Variants in LHFPL3 observed in about 807,000 individuals in gnomAD.
The protein encoded by LHFPL3 is LHFPL tetraspan subfamily member 3 protein.
Under a neutral mutation model 19.3 loss-of-function variants are expected in LHFPL3, and 5 were observed. The observed-to-expected ratio is 0.26, with a 90% confidence interval of 0.14 to 0.54. The LOEUF is 0.54. Ranked by LOEUF, LHFPL3 falls within the 20% of genes least tolerant of loss-of-function variation. LHFPL3 has a pLI of 0.94. For synonymous variants in LHFPL3, 133 were observed against 126.2 expected, an observed-to-expected ratio of 1.05 and a Z score of -0.36; for missense variants, 249 against 307.4, an observed-to-expected ratio of 0.81 and a Z score of 1.42.
intron 1 of LHFPL3, among the ~76,000 whole-genome samples, chr7:104,444,089 T>C (rs1214396169): frequency 6.6e-6 from 1 of 152,230 alleles, no homozygotes; most frequent in South Asian, 2.1e-4. Context: ...TTAAATACTT[T>C]CCCTAAAATT....
intron 1 of LHFPL3, among the ~76,000 whole-genome samples, chr7:104,676,112 G>C (rs1475509369): frequency 6.6e-6 from 1 of 152,206 alleles, no homozygotes; most frequent in African/African-American, 2.4e-5. Context: ...GAGAAGTATA[G>C]AAGAGTAATT....
At chr7:104,532,125 A>G (rs1055915459) in intron 1 of LHFPL3, among the ~76,000 whole-genome samples, 4 of 151,470 alleles carry the variant, frequency 2.6e-5, no homozygotes, top group African/African-American at 9.7e-5. Flanking sequence ...TTTATTTTTT[A>G]TTTTTATTTT....
chr7:104,864,971 G>A (rs552522446), intron 2 of LHFPL3, among the ~76,000 whole-genome samples: 28 of 152,178 alleles, frequency 1.8e-4, no homozygotes, highest in Non-Finnish European at 3.7e-4. Flanking sequence ...ACAGGGTCTG[G>A]AATGGACCTC....
chr7:104,490,115 C>A (rs780605437), intron 1 of LHFPL3, among the ~76,000 whole-genome samples: 1 of 152,124 alleles, frequency 6.6e-6, no homozygotes, highest in African/African-American at 2.4e-5. Context: ...TAATTGAAAG[C>A]AATTTTAAAT....
At chr7:104,435,709 T>C (rs2116568943) in intron 1 of LHFPL3, among the ~76,000 whole-genome samples, 1 of 152,204 alleles carries the variant, frequency 6.6e-6, no homozygotes, top group Non-Finnish European at 1.5e-5. Flanking sequence ...TCTTCTCTTT[T>C]TTAAGTTCAC....
At chr7:104,678,811 C>T (rs1238322165) in intron 1 of LHFPL3, among the ~76,000 whole-genome samples, 1 of 152,108 alleles carries the variant, frequency 6.6e-6, no homozygotes, top group African/African-American at 2.4e-5. Context: ...TTAGTGTGGC[C>T]ATAGGTTTTA....
intron 2 of LHFPL3, among the ~76,000 whole-genome samples, chr7:104,830,977 C>T (rs573971477): frequency 6.6e-6 from 1 of 151,706 alleles, no homozygotes; most frequent in Non-Finnish European, 1.5e-5. Context: ...TTAATAACAC[C>T]CCCTTTCACT....
rs139354214 is a variant in LHFPL3 at position 104,596,609 on chromosome 7, G to T, written c.446-140066G>T. On this transcript the variant is annotated intron_variant, in intron 1 of 2. Transcript: ENST00000424859. ...CTGTGTGTTTCAAGATGTGTTAAAA[G>T]CACATGAATAACAAAACATAGCTAG... Among the ~76,000 whole-genome samples the T allele has an allele frequency of 1.3e-4, 20 of 152,266 alleles. No individual in the cohort carries two copies. In the East Asian group the frequency reaches 3.9e-3, roughly 29 times the overall value.
intron 1 of LHFPL3, among the ~76,000 whole-genome samples, chr7:104,568,925 A>G (rs955253051): frequency 6.6e-6 from 1 of 152,234 alleles, no homozygotes; most frequent in Non-Finnish European, 1.5e-5. Flanking sequence ...TAAATATTAA[A>G]GCATGTATTT....
chr7:104,398,848 C>G (rs78260528), intron 1 of LHFPL3, among the ~76,000 whole-genome samples: 2 of 108,652 alleles, frequency 1.8e-5, no homozygotes, highest in Admixed American at 2.3e-4. Context: ...ATGCCCGCCC[C>G]CCGGCCCTGA....
At position 104,721,358 on chromosome 7, in the gene LHFPL3, G is replaced by A. The variant is rs1793488157; in HGVS notation, c.446-15317G>A. Among the ~76,000 whole-genome samples, 10 of 152,212 alleles carry A rather than the reference G, an allele frequency of 6.6e-5. No homozygotes were observed. The South Asian group carries it at 2.1e-3, about 32-fold the overall frequency. ...AACAATGAGATCACTTGGACACAGG[G>A]CAGGGAATATCACACACTGGGGCCT... On this transcript the variant is annotated intron_variant, in intron 1 of 2. Transcript: ENST00000424859.
chr7:104,707,927 A>C (rs1250023384), intron 1 of LHFPL3, among the ~76,000 whole-genome samples: 1 of 152,200 alleles, frequency 6.6e-6, no homozygotes, highest in Non-Finnish European at 1.5e-5. Context: ...AAAACCATTA[A>C]ATGATGCTCA....
At chr7:104,361,229 T>C (rs1393950586) in intron 1 of LHFPL3, among the ~76,000 whole-genome samples, 1 of 152,234 alleles carries the variant, frequency 6.6e-6, no homozygotes, top group Non-Finnish European at 1.5e-5. Context: ...TGAGCCTTGG[T>C]AGCATCATCC....
At chr7:104,559,408 T>C (rs886455478) in intron 1 of LHFPL3, among the ~76,000 whole-genome samples, 2 of 150,076 alleles carry the variant, frequency 1.3e-5, no homozygotes, top group African/African-American at 5.0e-5. Context: ...CCCTTGTAAG[T>C]TGGATTCCTA....
chr7:104,483,383 G>A (rs1198942756), intron 1 of LHFPL3, among the ~76,000 whole-genome samples: 1 of 152,138 alleles, frequency 6.6e-6, no homozygotes, highest in East Asian at 1.9e-4. Context: ...TAAATTTTAT[G>A]TTCAGTTGTA....
intron 1 of LHFPL3, among the ~76,000 whole-genome samples, chr7:104,435,680 G>T (rs1792090618): frequency 1.3e-5 from 2 of 151,368 alleles, no homozygotes; most frequent in African/African-American, 4.9e-5. Context: ...ATGGCCCCTT[G>T]CTTGGGTTGT....
chr7:104,521,795 A>G (rs961208676), intron 1 of LHFPL3, among the ~76,000 whole-genome samples: 37 of 152,354 alleles, frequency 2.4e-4, no homozygotes, highest in African/African-American at 8.7e-4. Flanking sequence ...AATGCTCACC[A>G]TCACTGGCCA....
chr7:104,545,623 C>T (rs59000988), intron 1 of LHFPL3, among the ~76,000 whole-genome samples: 101 of 152,272 alleles, frequency 6.6e-4, no homozygotes, highest in African/African-American at 2.2e-3. Flanking sequence ...GAGCACTGTG[C>T]GATCTATCAC....
chr7:104,690,486 C>CCTG (rs1792886862), intron 1 of LHFPL3, among the ~76,000 whole-genome samples: 3 of 152,330 alleles, frequency 2.0e-5, no homozygotes, highest in Admixed American at 1.3e-4. Context: ...TGGTCCATTA[C>CCTG]ATTGATGACA....
Sources: gnomAD v4.1 joint callset for allele counts (sites outside exome capture counted in the v4.1 genomes callset) on GRCh38, gnomAD v4.1.1 for gene constraint, MANE v1.5 for transcripts, NCBI Gene and HGNC (gene_info 2026-07-23, HGNC 2026-07-21) for gene names.